IGF1: variants seen among roughly 807,000 people sequenced by gnomAD.
IGF1 encodes the protein insulin-like growth factor 1.
IGF1 carries 4 observed loss-of-function variants against 13.8 expected under a neutral mutation model. The ratio of observed to expected loss-of-function variants is 0.29; its 90% CI spans 0.14 to 0.66. The LOEUF (loss-of-function observed/expected upper bound fraction) is 0.66, where lower values mean the gene tolerates loss of function less well. Among genes scored for constraint, IGF1 ranks in the 30% least tolerant of loss-of-function variants. The pLI is 0.78. For synonymous variants in IGF1, 76 were observed against 72.6 expected (o/e 1.05, Z -0.23); for missense variants, 124 against 188.5 (o/e 0.66, Z 2.00).
At chr12:102,433,137 A>G (rs565894179) in intron 2 of IGF1, among the ~76,000 whole-genome samples, 1 of 152,134 alleles carries the variant, frequency 6.6e-6, no homozygotes, top group South Asian at 2.1e-4. Flanking sequence ...TTGGGTCATG[A>G]TATCCCTGAC....
chr12:102,448,205 C>T (rs1017791850), intron 2 of IGF1, among the ~76,000 whole-genome samples: 2 of 147,634 alleles, frequency 1.4e-5, no homozygotes, highest in African/African-American at 5.0e-5. Flanking sequence ...ACCCAAAGGA[C>T]TATAAATCAT....
At chr12:102,462,201 G>A (rs1879953490) in intron 2 of IGF1, among the ~76,000 whole-genome samples, 2 of 152,136 alleles carry the variant, frequency 1.3e-5, no homozygotes, top group African/African-American at 2.4e-5. Context: ...AAACCAATTA[G>A]CCCGTTGTAA....
intron 2 of IGF1, among the ~76,000 whole-genome samples, chr12:102,430,699 T>A (rs1222406271): frequency 6.6e-6 from 1 of 152,236 alleles, no homozygotes; most frequent in Non-Finnish European, 1.5e-5. Context: ...CTCAAACGAC[T>A]TGTTCATCTT....
At chr12:102,478,714 G>T in intron 1 of IGF1, 1 of 1,221,378 alleles carries the variant, frequency 8.2e-7, no homozygotes, top group Non-Finnish European at 1.1e-6. Flanking sequence ...GCACAGCTGG[G>T]ATTTAAGTCA....
At chr12:102,468,910 C>T (rs1016288997) in intron 2 of IGF1, among the ~76,000 whole-genome samples, 2 of 152,114 alleles carry the variant, frequency 1.3e-5, no homozygotes, top group Non-Finnish European at 2.9e-5. Context: ...GGCTGTAAAA[C>T]CAGAAGGAAG....
intron 2 of IGF1, among the ~76,000 whole-genome samples, chr12:102,435,926 A>G (rs535563996): frequency 7.6e-4 from 116 of 152,350 alleles, no homozygotes; most frequent in Middle Eastern, 6.8e-3. Context: ...CCTGTGTGCA[A>G]TATCAACTCC....
chr12:102,447,799 G>A (rs1878489791), intron 2 of IGF1, among the ~76,000 whole-genome samples: 1 of 152,100 alleles, frequency 6.6e-6, no homozygotes, highest in South Asian at 2.1e-4. Context: ...TTTAATGTAA[G>A]ACCTAAAACC....
rs544965448 is a variant in IGF1 at position 102,402,201 on chromosome 12, T to C, written c.*306A>G. On this transcript the variant is annotated 3_prime_UTR_variant, in exon 4 of 4. Coordinates refer to ENST00000337514, the MANE Select transcript of IGF1 (RefSeq NM_000618.5). ...TGGATCTATACAACACCCATGCATT[T>C]GTGGCTCTTGAGAGGCAGGGACTAA... The C allele has an allele frequency of 1.3e-3, 249 of 184,864 alleles. 9 individuals carry two copies. In the South Asian group the frequency reaches 0.028, roughly 21 times the overall value. The allele number at this position is 184,864 out of a possible 1,614,324, so 11.5% of individuals were successfully genotyped here. A position where few individuals can be genotyped will look rare whatever the true frequency, so the allele number is the denominator to read the frequency against.
intron 3 of IGF1, among the ~76,000 whole-genome samples, chr12:102,409,664 C>G (rs188451375): frequency 6.6e-6 from 1 of 152,252 alleles, no homozygotes; most frequent in Admixed American, 6.5e-5. Context: ...TGTGGTCTAT[C>G]TATCTCGGGT....
chr12:102,473,033 A>G (rs1880784430), intron 2 of IGF1, among the ~76,000 whole-genome samples: 1 of 152,186 alleles, frequency 6.6e-6, no homozygotes, highest in Admixed American at 6.6e-5. Flanking sequence ...GGATTCAACT[A>G]GACTCAATTC....
chr12:102,412,104 G>C (rs1056223221), intron 3 of IGF1, among the ~76,000 whole-genome samples: 6 of 152,082 alleles, frequency 3.9e-5, no homozygotes, highest in Admixed American at 6.5e-5. Flanking sequence ...GATGGGAAAT[G>C]GTAGAAGTCC....
intron 2 of IGF1, among the ~76,000 whole-genome samples, chr12:102,455,187 C>G (rs998494964): frequency 2.0e-5 from 3 of 152,206 alleles, no homozygotes; most frequent in African/African-American, 4.8e-5. Flanking sequence ...ATGATCCTGC[C>G]TAGAACTTCT....
At chr12:102,470,782 A>G (rs533354315) in intron 2 of IGF1, among the ~76,000 whole-genome samples, 16 of 152,162 alleles carry the variant, frequency 1.1e-4, no homozygotes, top group Non-Finnish European at 2.1e-4. Flanking sequence ...CAAATTCACC[A>G]ATTATACACT....
intron 2 of IGF1, among the ~76,000 whole-genome samples, chr12:102,448,689 T>TAAAAAAAAAA (rs58794507): frequency 9.1e-6 from 1 of 110,326 alleles, no homozygotes; most frequent in Non-Finnish European, 1.8e-5. Context: ...TAGAGTATAA[T>TAAAAAAAAAA]AAAAAAAAAA....
intron 2 of IGF1, among the ~76,000 whole-genome samples, chr12:102,468,639 C>T (rs1880484482): frequency 6.6e-6 from 1 of 152,202 alleles, no homozygotes. Context: ...TCTCCTTAGT[C>T]TAACAGCTAA....
intron 2 of IGF1, among the ~76,000 whole-genome samples, chr12:102,469,762 T>C (rs556543012): frequency 2.0e-5 from 3 of 152,142 alleles, no homozygotes; most frequent in African/African-American, 7.2e-5. Flanking sequence ...AACCATTCAG[T>C]GGGGTAAGTT....
rs1378512695 is a variant in IGF1 at position 102,398,609 on chromosome 12, T to G, written c.*3898A>C. The G allele has an allele frequency of 3.3e-5, 5 of 152,124 alleles. No homozygotes were observed. Among genetic ancestry groups the G allele is most frequent in the African/African-American group, 1.2e-4 (5 of 41,432 alleles). 9.4% of individuals were successfully genotyped at this position (152,124 alleles called of 1,614,324 possible). A position where few individuals can be genotyped will look rare whatever the true frequency, so the allele number is the denominator to read the frequency against. The stretch of plus-strand genomic sequence containing the variant: ...ATGGAGCCTTCTAACTTTAAAAAAT[T>G]TCCAACTCCTGCCCCTGCACCCCCA... On this transcript the variant is annotated 3_prime_UTR_variant, in exon 4 of 4. Coordinates refer to ENST00000337514, the MANE Select transcript of IGF1 (RefSeq NM_000618.5).
intron 1 of IGF1, among the ~76,000 whole-genome samples, chr12:102,478,005 T>C (rs548977616): frequency 2.0e-5 from 3 of 151,096 alleles, no homozygotes; most frequent in Admixed American, 1.3e-4. Flanking sequence ...TTCTTTTTTT[T>C]TTTTTTTGCT....
At chr12:102,441,915 CCTTCTTCTTCTTCTT>C (rs57084343) in intron 2 of IGF1, among the ~76,000 whole-genome samples, 1 of 122,140 alleles carries the variant, frequency 8.2e-6, no homozygotes, top group African/African-American at 3.1e-5. Flanking sequence ...TGCTTCTTCT[CCTTCTTCTTCTTCTT>C]CTTCTTCTTC....
Sources: allele counts gnomAD v4.1 joint callset (sites outside exome capture counted in the v4.1 genomes callset), GRCh38; gene constraint gnomAD v4.1.1; transcripts MANE v1.5; gene names NCBI Gene and HGNC (gene_info 2026-07-23, HGNC 2026-07-21).